Variants in KLF8 observed in about 807,000 individuals in gnomAD.
KLF8 encodes Krueppel-like factor 8.
KLF8 carries 10 observed loss-of-function variants against 18.2 expected under a neutral mutation model. That is an observed-to-expected ratio of 0.55 (90% confidence interval 0.34 to 0.93). The LOEUF (loss-of-function observed/expected upper bound fraction) is 0.93, where lower values mean the gene tolerates loss of function less well. KLF8 is among the 40% of genes least tolerant of loss of function. The pLI, the probability that KLF8 is intolerant of heterozygous loss-of-function variation, is 0.02. For synonymous variants in KLF8, 109 were observed against 97.3 expected, an observed-to-expected ratio of 1.12 and a Z score of -0.71; for missense variants, 264 against 277.9, an observed-to-expected ratio of 0.95 and a Z score of 0.36.
intron 2 of KLF8, among the ~76,000 whole-genome samples, chrX:56,253,764 C>CTTTTTT (rs60291877): frequency 1.0e-4 from 6 of 60,110 alleles, no homozygotes; most frequent in Middle Eastern, 8.4e-3. Context: ...TTTTCTTTTT[C>CTTTTTT]TTTTTTTTTT....
chrX:56,190,883 G>A, the KLF8 span, among the ~76,000 whole-genome samples: 1 of 111,114 alleles, frequency 9.0e-6, no homozygotes, highest in African/African-American at 3.3e-5. Context: ...CTTTAAATAA[G>A]CAATCTAATG....
chrX:56,215,822 CAAAAAAAAAAAAAAAAAAAAAAAAAA>C, the KLF8 span, among the ~76,000 whole-genome samples: 3 of 31,384 alleles, frequency 9.6e-5, no homozygotes, highest in Admixed American at 6.3e-4. Context: ...GACTCTGTCT[CAAAAAAAAAAAAAAAAAAAAAAAAAA>C]AAAAAAAAAA....
the KLF8 span, among the ~76,000 whole-genome samples, chrX:56,199,213 G>T: frequency 2.7e-5 from 3 of 111,715 alleles, no homozygotes; most frequent in African/African-American, 9.8e-5. Context: ...CAAAAGAAAT[G>T]GCAACAAAAT....
chrX:56,220,632 T>C, the KLF8 span, among the ~76,000 whole-genome samples: 1 of 111,076 alleles, frequency 9.0e-6, no homozygotes, highest in Non-Finnish European at 1.9e-5. Flanking sequence ...ACTACAGGCA[T>C]GCGCCACCAC....
the KLF8 span, among the ~76,000 whole-genome samples, chrX:56,171,793 T>A: frequency 4.5e-5 from 5 of 112,065 alleles, no homozygotes; most frequent in African/African-American, 1.6e-4. Context: ...TTGGGTTGGC[T>A]ACAAGTCCTT....
At chrX:56,110,154 T>G in the KLF8 span, among the ~76,000 whole-genome samples, 1 of 111,990 alleles carries the variant, frequency 8.9e-6, no homozygotes, top group Non-Finnish European at 1.9e-5. Context: ...ATGGTGAATA[T>G]GTACCACATT....
the KLF8 span, among the ~76,000 whole-genome samples, chrX:55,999,243 C>A: frequency 1.2e-5 from 1 of 85,967 alleles, no homozygotes; most frequent in Non-Finnish European, 2.2e-5. Flanking sequence ...GTTACTATAA[C>A]CTCGTATTAT....
At chrX:56,054,029 G>T in the KLF8 span, among the ~76,000 whole-genome samples, 4 of 110,884 alleles carry the variant, frequency 3.6e-5, no homozygotes, top group Non-Finnish European at 5.7e-5. Context: ...TATTTCTTGT[G>T]TTCTGCTACC....
chrX:56,018,857 T>G, the KLF8 span, among the ~76,000 whole-genome samples: 1 of 110,811 alleles, frequency 9.0e-6, no homozygotes, highest in Non-Finnish European at 1.9e-5. Flanking sequence ...GGGATGTGTG[T>G]GTTTGGTGTG....
chrX:55,972,552 C>T, the KLF8 span, among the ~76,000 whole-genome samples: 2 of 111,269 alleles, frequency 1.8e-5, no homozygotes, highest in East Asian at 2.8e-4. Context: ...CTTTGTAACA[C>T]AGAGGATAAA....
the KLF8 span, among the ~76,000 whole-genome samples, chrX:55,917,535 G>C: frequency 8.9e-6 from 1 of 111,851 alleles, no homozygotes; most frequent in East Asian, 2.8e-4. Context: ...AAGTTATCCC[G>C]TTTTAATTCA....
In KLF8 at chrX:56,287,158, G is replaced by T. The variant is rs1017847577; in HGVS notation, c.*2664G>T. On this transcript the variant is annotated 3_prime_UTR_variant, in exon 6 of 6. Coordinates refer to ENST00000468660, the MANE Select transcript of KLF8 (RefSeq NM_007250.5). Reference sequence around the variant, plus strand: ...AAATATTGGGGTCCCTGACATCTGAGCCTTTATCTAAAAATGTTTCTGTAA... The same window carrying T: ...AAATATTGGGGTCCCTGACATCTGATCCTTTATCTAAAAATGTTTCTGTAA... 9.0e-6 allele frequency: 1 copy of T among 111,692 alleles called. No individual in the cohort carries two copies. 9.2% of individuals were successfully genotyped at this position (111,692 alleles called of 1,213,427 possible).
the KLF8 span, among the ~76,000 whole-genome samples, chrX:56,213,746 A>G: frequency 9.0e-6 from 1 of 111,368 alleles, no homozygotes; most frequent in Non-Finnish European, 1.9e-5. Flanking sequence ...CCCCAGAAGG[A>G]GTGTTACAGT....
chrX:55,947,728 C>A, the KLF8 span, among the ~76,000 whole-genome samples: 1 of 111,585 alleles, frequency 9.0e-6, no homozygotes, highest in Non-Finnish European at 1.9e-5. Flanking sequence ...CTAAGTCTAA[C>A]CCCTCATGAC....
intron 2 of KLF8, among the ~76,000 whole-genome samples, chrX:56,253,908 G>A (rs1490466707): frequency 1.9e-5 from 2 of 104,758 alleles, no homozygotes; most frequent in African/African-American, 7.1e-5. Flanking sequence ...CTATGGGCAT[G>A]TGCCACCATG....
chrX:56,243,969 C>CT (rs1189028433), intron 1 of KLF8, among the ~76,000 whole-genome samples: 1 of 111,668 alleles, frequency 9.0e-6, no homozygotes, highest in Non-Finnish European at 1.9e-5. Context: ...CTTTTGCAAT[C>CT]TCCCTTTATT....
the KLF8 span, among the ~76,000 whole-genome samples, chrX:55,985,295 T>G: frequency 8.9e-6 from 1 of 112,200 alleles, no homozygotes; most frequent in Non-Finnish European, 1.9e-5. Flanking sequence ...TTGAATCAAT[T>G]TTTGTGTAAG....
intron 2 of KLF8, among the ~76,000 whole-genome samples, chrX:56,264,476 G>C (rs1319321432): frequency 9.2e-6 from 1 of 108,688 alleles, no homozygotes; most frequent in Non-Finnish European, 1.9e-5. Flanking sequence ...AATCATTTAT[G>C]ATCATTTAGA....
At chrX:56,032,069 G>A in the KLF8 span, among the ~76,000 whole-genome samples, 1 of 111,119 alleles carries the variant, frequency 9.0e-6, no homozygotes, top group South Asian at 3.9e-4. Context: ...GGTCACGAAG[G>A]CCCAGACCTG....
Sources: gnomAD v4.1 joint callset for allele counts (sites outside exome capture counted in the v4.1 genomes callset) on GRCh38, gnomAD v4.1.1 for gene constraint, MANE v1.5 for transcripts, NCBI Gene and HGNC (gene_info 2026-07-23, HGNC 2026-07-21) for gene names.